The following MCTP1 variants were observed in gnomAD, a reference collection of about 807,000 sequenced individuals.
MCTP1 encodes the protein multiple C2 and transmembrane domain containing 1, also known as multiple C2 and transmembrane domain-containing protein 1.
Under a neutral mutation model 120.6 loss-of-function variants are expected in MCTP1, and 69 were observed. That is an observed-to-expected ratio of 0.57 (90% CI 0.47 to 0.70). MCTP1 has a LOEUF of 0.70. Among genes scored for constraint, MCTP1 ranks in the 30% least tolerant of loss-of-function variants. The pLI is 0.00. For missense variants in MCTP1, 1,203 were observed against 1,248.8 expected, an observed-to-expected ratio of 0.96 and a Z score of 0.55; for synonymous variants, 529 against 493.1, an observed-to-expected ratio of 1.07 and a Z score of -0.96.
At chr5:94,844,122 G>A (rs1381459421) in intron 17 of MCTP1, among the ~76,000 whole-genome samples, 1 of 151,922 alleles carries the variant, frequency 6.6e-6, no homozygotes, top group Non-Finnish European at 1.5e-5. Flanking sequence ...GACTAACATG[G>A]TGAAACCCTG....
At chr5:94,746,565 A>C (rs955434927) in intron 19 of MCTP1, among the ~76,000 whole-genome samples, 2 of 152,262 alleles carry the variant, frequency 1.3e-5, no homozygotes, top group African/African-American at 4.8e-5. Context: ...GTGAAATTTT[A>C]CAAAGGGGAA....
chr5:94,787,722 T>C (rs961870070), intron 18 of MCTP1, among the ~76,000 whole-genome samples: 2 of 151,818 alleles, frequency 1.3e-5, no homozygotes, highest in African/African-American at 4.8e-5. Flanking sequence ...GTTCACGCCA[T>C]TCTCCTGCCT....
At chr5:94,756,563 A>T (rs772587696) in intron 19 of MCTP1, among the ~76,000 whole-genome samples, 7 of 152,176 alleles carry the variant, frequency 4.6e-5, no homozygotes, top group Non-Finnish European at 8.8e-5. Flanking sequence ...TACACATAGA[A>T]AGCCGAAACT....
At chr5:95,034,702 A>AC (rs1348048094) in intron 1 of MCTP1, among the ~76,000 whole-genome samples, 1 of 152,128 alleles carries the variant, frequency 6.6e-6, no homozygotes, top group Non-Finnish European at 1.5e-5. Flanking sequence ...AGCAAATGCA[A>AC]CAAAAACAAA....
chr5:94,962,217 A>G (rs1435541151), intron 2 of MCTP1, among the ~76,000 whole-genome samples: 29 of 152,110 alleles, frequency 1.9e-4, no homozygotes, highest in Non-Finnish European at 2.9e-5. Context: ...TAGTACAACC[A>G]CTATGGAAAA....
chr5:95,104,524 G>A (rs1007529996), intron 1 of MCTP1, among the ~76,000 whole-genome samples: 2 of 152,100 alleles, frequency 1.3e-5, no homozygotes. Context: ...CATGATTACT[G>A]ACCACCTCTC....
intron 1 of MCTP1, among the ~76,000 whole-genome samples, chr5:95,105,463 A>G (rs1212849387): frequency 6.6e-6 from 1 of 152,108 alleles, no homozygotes; most frequent in East Asian, 1.9e-4. Flanking sequence ...GTACTAGAAA[A>G]CTATTCCCAA....
At chr5:94,790,430 C>T (rs1027934925) in intron 18 of MCTP1, among the ~76,000 whole-genome samples, 2 of 152,106 alleles carry the variant, frequency 1.3e-5, no homozygotes, top group East Asian at 1.9e-4. Context: ...AAAGAGAGCA[C>T]GAGGGGAAAT....
intron 17 of MCTP1, among the ~76,000 whole-genome samples, chr5:94,806,849 C>G (rs1165910179): frequency 1.3e-5 from 2 of 152,118 alleles, no homozygotes; most frequent in East Asian, 3.8e-4. Flanking sequence ...AGATGAGATT[C>G]TCTATTTGAC....
chr5:94,955,937 C>A (rs924252333), intron 2 of MCTP1, among the ~76,000 whole-genome samples: 1 of 152,234 alleles, frequency 6.6e-6, no homozygotes, highest in Non-Finnish European at 1.5e-5. Flanking sequence ...TATGCCTCCT[C>A]AAGTGGGTCC....
At chr5:95,276,712 G>A (rs970906405) in intron 1 of MCTP1, among the ~76,000 whole-genome samples, 3 of 151,668 alleles carry the variant, frequency 2.0e-5, no homozygotes, top group African/African-American at 7.3e-5. Flanking sequence ...CACTTTGGGA[G>A]GCGGCTGAGG....
intron 1 of MCTP1, among the ~76,000 whole-genome samples, chr5:95,169,967 T>C (rs906759154): frequency 6.6e-6 from 1 of 152,242 alleles, no homozygotes; most frequent in African/African-American, 2.4e-5. Context: ...TGAATGTGTT[T>C]GCTCTTGCTT....
intron 1 of MCTP1, among the ~76,000 whole-genome samples, chr5:95,261,644 C>T (rs142258469): frequency 1.6e-4 from 25 of 152,344 alleles, no homozygotes; most frequent in African/African-American, 5.8e-4. Context: ...CATCTGTCAC[C>T]AAGCCCTTCA....
chr5:95,238,077 C>T (rs995205152), intron 1 of MCTP1, among the ~76,000 whole-genome samples: 7 of 152,226 alleles, frequency 4.6e-5, no homozygotes, highest in South Asian at 2.1e-4. Context: ...AGCATGAAAT[C>T]GGAACAAGGG....
chr5:95,195,989 T>C (rs1215215078), intron 1 of MCTP1, among the ~76,000 whole-genome samples: 1 of 152,176 alleles, frequency 6.6e-6, no homozygotes, highest in Non-Finnish European at 1.5e-5. Context: ...TCTTTATATG[T>C]GGTCCCCCGC....
intron 17 of MCTP1, among the ~76,000 whole-genome samples, chr5:94,866,735 C>T (rs1292204102): frequency 6.6e-6 from 1 of 151,248 alleles, no homozygotes; most frequent in African/African-American, 2.4e-5. Flanking sequence ...GTTCAGAATT[C>T]CAGTGCCTGA....
intron 1 of MCTP1, among the ~76,000 whole-genome samples, chr5:95,097,246 T>C (rs917236264): frequency 3.3e-5 from 5 of 151,910 alleles, no homozygotes; most frequent in Admixed American, 1.3e-4. Context: ...AAAAATACTA[T>C]GAAAAAAATA....
chr5:95,206,837 T>C (rs1220366905), intron 1 of MCTP1, among the ~76,000 whole-genome samples: 1 of 152,118 alleles, frequency 6.6e-6, no homozygotes, highest in Non-Finnish European at 1.5e-5. Context: ...TGCCTGTCCA[T>C]TTTATAGATA....
In MCTP1 at chr5:94,710,800, G is replaced by T. The variant is rs192909428; in HGVS notation, c.2830+18C>A. ...AGCAGCTAAGACAGTTTGGGGGAGTGGGGGAGGCTTTACTTACCCCAGACA... is the reference window on the plus strand; with the variant it reads ...AGCAGCTAAGACAGTTTGGGGGAGTTGGGGAGGCTTTACTTACCCCAGACA... On this transcript the variant is annotated intron_variant, in intron 21 of 22. Coordinates refer to ENST00000515393, the MANE Select transcript of MCTP1 (RefSeq NM_024717.7). The T allele has an allele frequency of 3.9e-6, 6 of 1,535,860 alleles. No homozygotes were observed. Among genetic ancestry groups the T allele is most frequent in the South Asian group, 1.1e-5 (1 of 89,072 alleles).
Sources: gnomAD v4.1 joint callset for allele counts (sites outside exome capture counted in the v4.1 genomes callset) on GRCh38, gnomAD v4.1.1 for gene constraint, MANE v1.5 for transcripts, NCBI Gene and HGNC (gene_info 2026-07-23, HGNC 2026-07-21) for gene names.